UNC5D: variants seen among roughly 807,000 people sequenced by gnomAD.
UNC5D encodes netrin receptor UNC5D.
UNC5D carries 39 observed loss-of-function variants against 105.4 expected under a neutral mutation model. The observed-to-expected ratio is 0.37, with a 90% CI of 0.29 to 0.48. UNC5D has a LOEUF of 0.48. Among genes scored for constraint, UNC5D ranks in the 20% least tolerant of loss-of-function variants. The pLI, the probability that UNC5D is intolerant of heterozygous loss-of-function variation, is 0.98. For missense variants in UNC5D, 991 were observed against 1,202.4 expected (o/e 0.82, Z 2.60); for synonymous variants, 452 against 450.4 (o/e 1.00, Z -0.04).
intron 1 of UNC5D, among the ~76,000 whole-genome samples, chr8:35,265,900 T>C (rs1353393078): frequency 2.0e-5 from 3 of 147,088 alleles, no homozygotes; most frequent in Non-Finnish European, 4.5e-5. Context: ...ATAATAATAA[T>C]AATAATATAT....
chr8:35,304,467 ATAACT>A (rs1563296333), intron 1 of UNC5D, among the ~76,000 whole-genome samples: 1 of 152,140 alleles, frequency 6.6e-6, no homozygotes, highest in Admixed American at 6.6e-5. Context: ...TAATTTCATA[ATAACT>A]TAATCTATGT....
chr8:35,615,884 A>G (rs1586258250), intron 4 of UNC5D, among the ~76,000 whole-genome samples: 2 of 152,154 alleles, frequency 1.3e-5, no homozygotes, highest in African/African-American at 4.8e-5. Flanking sequence ...CATAGTAGTA[A>G]ACTCTTAAAG....
At chr8:35,665,210 G>A (rs1824348922) in intron 4 of UNC5D, among the ~76,000 whole-genome samples, 1 of 152,142 alleles carries the variant, frequency 6.6e-6, no homozygotes, top group African/African-American at 2.4e-5. Context: ...TAACCACATT[G>A]TGCTATTCAA....
chr8:35,748,706 T>A lies in UNC5D; in HGVS notation c.1935+11T>A, dbSNP rs769154130. 2.5e-6 allele frequency: 4 copies of A among 1,609,938 alleles called. No individual in the cohort carries two copies. In the East Asian group the frequency reaches 8.9e-5, roughly 36 times the overall value. On this transcript the variant is annotated intron_variant, in intron 12 of 16. Coordinates refer to ENST00000404895, the MANE Select transcript of UNC5D (RefSeq NM_080872.4). ...CAGGGCAAATGGGAGGTGAGACCCT[T>A]TACTTCCTTTTTTAAACAGTGGGAT...
At chr8:35,397,816 A>G (rs1407387323) in intron 1 of UNC5D, among the ~76,000 whole-genome samples, 1 of 152,078 alleles carries the variant, frequency 6.6e-6, no homozygotes, top group East Asian at 1.9e-4. Flanking sequence ...CTCCACCAAG[A>G]GCCTGAGACT....
intron 7 of UNC5D, 39 bp downstream of exon 7, chr8:35,686,748 A>G: frequency 1.3e-6 from 2 of 1,520,328 alleles, no homozygotes; most frequent in Non-Finnish European, 1.8e-6. Flanking sequence ...GTTTGTTCAT[A>G]ATACCATTTA....
chr8:35,642,759 C>CG (rs1264764053), intron 4 of UNC5D, among the ~76,000 whole-genome samples: 1 of 151,938 alleles, frequency 6.6e-6, no homozygotes, highest in African/African-American at 2.4e-5. Context: ...TTTTGTGGCC[C>CG]GGTACAGATT....
chr8:35,369,966 C>A (rs955153971), intron 1 of UNC5D, among the ~76,000 whole-genome samples: 2 of 152,162 alleles, frequency 1.3e-5, no homozygotes, highest in African/African-American at 2.4e-5. Context: ...CTCCTTCCTG[C>A]ATTTTTTCTT....
At chr8:35,445,797 T>C (rs898281454) in intron 1 of UNC5D, among the ~76,000 whole-genome samples, 1 of 152,214 alleles carries the variant, frequency 6.6e-6, no homozygotes, top group African/African-American at 2.4e-5. Flanking sequence ...TGCACAGCTT[T>C]CAATTCTTTT....
At chr8:35,725,446 A>C (rs1828807952) in intron 9 of UNC5D, among the ~76,000 whole-genome samples, 1 of 152,172 alleles carries the variant, frequency 6.6e-6, no homozygotes, top group Non-Finnish European at 1.5e-5. Flanking sequence ...TTTGAGACAG[A>C]AAGGAAACCA....
At chr8:35,722,597 C>T (rs931243043) in intron 9 of UNC5D, among the ~76,000 whole-genome samples, 1 of 152,130 alleles carries the variant, frequency 6.6e-6, no homozygotes, top group Non-Finnish European at 1.5e-5. Context: ...AAGAGGATCT[C>T]GGTTTATTAT....
chr8:35,450,412 T>TAG (rs2128990535), intron 1 of UNC5D, among the ~76,000 whole-genome samples: 1 of 152,290 alleles, frequency 6.6e-6, no homozygotes, highest in East Asian at 1.9e-4. Flanking sequence ...CTTTACTTTT[T>TAG]ATCTATTCAT....
intron 11 of UNC5D, among the ~76,000 whole-genome samples, chr8:35,738,534 A>G (rs1348992535): frequency 2.0e-5 from 3 of 152,218 alleles, no homozygotes; most frequent in African/African-American, 4.8e-5. Flanking sequence ...CAGAGGAAAG[A>G]TTAATTCAAT....
intron 4 of UNC5D, among the ~76,000 whole-genome samples, chr8:35,662,062 C>T (rs1433939292): frequency 6.6e-6 from 1 of 151,876 alleles, no homozygotes; most frequent in Non-Finnish European, 1.5e-5. Flanking sequence ...TTTCTGATGC[C>T]AGGACTAATT....
At chr8:35,366,324 T>C (rs759192924) in intron 1 of UNC5D, among the ~76,000 whole-genome samples, 1 of 152,080 alleles carries the variant, frequency 6.6e-6, no homozygotes, top group Non-Finnish European at 1.5e-5. Context: ...CATTTCTCTC[T>C]TGCCACATGG....
At chr8:35,686,887 A>C (rs1471358825) in intron 7 of UNC5D, among the ~76,000 whole-genome samples, 178 bp downstream of exon 7, 1 of 152,190 alleles carries the variant, frequency 6.6e-6, no homozygotes, top group Non-Finnish European at 1.5e-5. Flanking sequence ...TTTAATAGAG[A>C]TGGTATAAGT....
chr8:35,351,221 T>A (rs1193244561), intron 1 of UNC5D, among the ~76,000 whole-genome samples: 4 of 152,060 alleles, frequency 2.6e-5, no homozygotes, highest in African/African-American at 9.7e-5. Flanking sequence ...AGACTCACTT[T>A]TTTTTCCCCC....
intron 1 of UNC5D, among the ~76,000 whole-genome samples, chr8:35,371,656 A>C (rs1802437056): frequency 6.6e-6 from 1 of 152,236 alleles, no homozygotes; most frequent in South Asian, 2.1e-4. Flanking sequence ...AAGACTTCAG[A>C]AGACTCACAG....
At chr8:35,657,803 C>G (rs762632115) in intron 4 of UNC5D, among the ~76,000 whole-genome samples, 7 of 152,162 alleles carry the variant, frequency 4.6e-5, no homozygotes, top group Non-Finnish European at 8.8e-5. Flanking sequence ...TGATTATTTT[C>G]ATAGCAATTT....
Sources: gnomAD v4.1 joint callset for allele counts (sites outside exome capture counted in the v4.1 genomes callset) on GRCh38, gnomAD v4.1.1 for gene constraint, MANE v1.5 for transcripts, NCBI Gene and HGNC (gene_info 2026-07-23, HGNC 2026-07-21) for gene names.